FAM135B: variants seen among roughly 807,000 people sequenced by gnomAD.
FAM135B encodes family with sequence similarity 135 member B.
A neutral mutation model predicts 127.7 loss-of-function variants in FAM135B; 43 were observed. The ratio of observed to expected loss-of-function variants is 0.34; its 90% CI spans 0.26 to 0.43. FAM135B has a LOEUF of 0.43. Ranked by LOEUF, FAM135B falls within the 20% of genes least tolerant of loss-of-function variation. The pLI, the probability that FAM135B is intolerant of heterozygous loss-of-function variation, is 1.00. For synonymous variants in FAM135B, 670 were observed against 665.1 expected, an observed-to-expected ratio of 1.01 and a Z score of -0.11; for missense variants, 1,558 against 1,725.6, an observed-to-expected ratio of 0.90 and a Z score of 1.72.
chr8:138,135,359 C>A (rs1816561769), intron 19 of FAM135B, among the ~76,000 whole-genome samples: 1 of 152,118 alleles, frequency 6.6e-6, no homozygotes, highest in Non-Finnish European at 1.5e-5. Context: ...GAACTGAAAA[C>A]CAGATCATTG....
chr8:138,363,007 G>A (rs1194314424), intron 2 of FAM135B, among the ~76,000 whole-genome samples: 1 of 152,186 alleles, frequency 6.6e-6, no homozygotes, highest in Non-Finnish European at 1.5e-5. Context: ...ATAGCTAAAT[G>A]TCAATATGCA....
At chr8:138,194,180 CA>C (rs1586738724) in intron 9 of FAM135B, among the ~76,000 whole-genome samples, 2 of 152,108 alleles carry the variant, frequency 1.3e-5, no homozygotes, top group East Asian at 3.9e-4. Flanking sequence ...TTTTGATAAT[CA>C]GTGCTTGGCA....
chr8:138,180,370 G>A (rs4461947), intron 9 of FAM135B, among the ~76,000 whole-genome samples: 58,829 of 152,062 alleles, frequency 0.39, 11,972 homozygotes, highest in African/African-American at 0.52. Context: ...TAAAAGTGCC[G>A]CGGAGCTTTC....
At chr8:138,327,806 A>G (rs1827901183) in intron 2 of FAM135B, among the ~76,000 whole-genome samples, 1 of 152,204 alleles carries the variant, frequency 6.6e-6, no homozygotes. Context: ...GGTAAGAAAA[A>G]GAGTGAGGTT....
chr8:138,173,983 C>A (rs1279683057), intron 11 of FAM135B, among the ~76,000 whole-genome samples: 3 of 152,136 alleles, frequency 2.0e-5, no homozygotes, highest in Non-Finnish European at 2.9e-5. Flanking sequence ...AAAATTGTGA[C>A]CCGTGGCGAA....
Position 138,367,893 on chromosome 8 carries a change from T to G in FAM135B, c.77+14A>C, listed in dbSNP as rs770209255. 13 of 1,569,908 alleles carry G rather than the reference T, an allele frequency of 8.3e-6. No homozygotes were observed. In the South Asian group the frequency reaches 1.3e-4, roughly 16 times the overall value. On this transcript the variant is annotated intron_variant, in intron 2 of 19. Coordinates refer to ENST00000395297, the MANE Select transcript of FAM135B (RefSeq NM_015912.4). Reference sequence around the variant, plus strand: ...CACACACACACACACACACAAATTGTAAAGCATACTTACCCTCTCTGAAAG... The same window carrying G: ...CACACACACACACACACACAAATTGGAAAGCATACTTACCCTCTCTGAAAG...
At chr8:138,463,190 T>G (rs1424527378) in intron 1 of FAM135B, among the ~76,000 whole-genome samples, 2 of 152,070 alleles carry the variant, frequency 1.3e-5, no homozygotes, top group East Asian at 3.9e-4. Flanking sequence ...GCTAAGCAGG[T>G]TGGAGGAAAG....
intron 1 of FAM135B, among the ~76,000 whole-genome samples, chr8:138,372,160 GAA>G (rs1563945472): frequency 6.6e-6 from 1 of 152,186 alleles, no homozygotes; most frequent in Non-Finnish European, 1.5e-5. Context: ...TTCAGAAAGT[GAA>G]GAGAGTAACC....
intron 1 of FAM135B, chr8:138,439,932 A>G (rs554920240): frequency 6.6e-6 from 1 of 152,336 alleles, no homozygotes; most frequent in East Asian, 1.9e-4. Flanking sequence ...TGAAGCAGTC[A>G]TGGTTCCTGG....
intron 1 of FAM135B, among the ~76,000 whole-genome samples, chr8:138,420,395 G>A (rs1391463189): frequency 6.6e-6 from 1 of 152,012 alleles, no homozygotes; most frequent in African/African-American, 2.4e-5. Flanking sequence ...GGATCAGAGA[G>A]ATTCACAGTC....
At chr8:138,497,463 C>T (rs997262701), upstream of FAM135B, among the ~76,000 whole-genome samples, 7 of 152,114 alleles carry the variant, frequency 4.6e-5, no homozygotes, top group Non-Finnish European at 2.9e-5. Flanking sequence ...GGGCTCCCCT[C>T]TCGAGCCAAG....
At chr8:138,444,305 T>C (rs1035095100) in intron 1 of FAM135B, among the ~76,000 whole-genome samples, 20 of 152,110 alleles carry the variant, frequency 1.3e-4, no homozygotes, top group African/African-American at 1.9e-4. Context: ...GCGGACCTAA[T>C]AGACATCTAC....
At chr8:138,339,749 G>A (rs1828911372) in intron 2 of FAM135B, among the ~76,000 whole-genome samples, 1 of 152,120 alleles carries the variant, frequency 6.6e-6, no homozygotes, top group African/African-American at 2.4e-5. Flanking sequence ...CTTGCTTCTT[G>A]TTACAGGAAA....
intron 3 of FAM135B, among the ~76,000 whole-genome samples, chr8:138,277,991 G>A (rs771839564): frequency 1.4e-4 from 22 of 152,154 alleles, no homozygotes; most frequent in Non-Finnish European, 2.8e-4. Context: ...AGTGTCACCT[G>A]TTGAATCTTG....
intron 1 of FAM135B, among the ~76,000 whole-genome samples, chr8:138,493,779 C>T (rs1344945342): frequency 6.6e-6 from 1 of 152,166 alleles, no homozygotes; most frequent in Admixed American, 6.5e-5. Flanking sequence ...TTTTATGGCA[C>T]AGCTATTAAT....
chr8:138,204,726 T>G (rs1339445465), intron 7 of FAM135B, among the ~76,000 whole-genome samples: 1 of 152,244 alleles, frequency 6.6e-6, no homozygotes, highest in African/African-American at 2.4e-5. Context: ...TAAATATACT[T>G]GTTTATGCTT....
At chr8:138,452,832 G>A (rs1836571973) in intron 1 of FAM135B, among the ~76,000 whole-genome samples, 1 of 152,114 alleles carries the variant, frequency 6.6e-6, no homozygotes, top group Admixed American at 6.5e-5. Context: ...GCTGGTTGGT[G>A]GCAGGTGCCC....
intron 1 of FAM135B, among the ~76,000 whole-genome samples, chr8:138,481,447 T>C (rs1814778226): frequency 6.6e-6 from 1 of 152,230 alleles, no homozygotes; most frequent in Admixed American, 6.5e-5. Flanking sequence ...GTCAATTAGC[T>C]TGCATATTAC....
intron 12 of FAM135B, among the ~76,000 whole-genome samples, chr8:138,156,433 A>C (rs894090709): frequency 6.6e-6 from 1 of 152,178 alleles, no homozygotes; most frequent in Non-Finnish European, 1.5e-5. Flanking sequence ...GAAGGCAAGA[A>C]ATAAGTAAGA....
Sources: allele counts gnomAD v4.1 joint callset (sites outside exome capture counted in the v4.1 genomes callset), GRCh38; gene constraint gnomAD v4.1.1; transcripts MANE v1.5; gene names NCBI Gene and HGNC (gene_info 2026-07-23, HGNC 2026-07-21).